ADGRL2: variants seen among roughly 807,000 people sequenced by gnomAD.
ADGRL2 encodes the protein calcium-independent alpha-latrotoxin receptor 2.
In ADGRL2, 44 loss-of-function variants were observed where a neutral mutation model predicts 157.4. The ratio of observed to expected loss-of-function variants is 0.28; its 90% confidence interval spans 0.22 to 0.36. The LOEUF (loss-of-function observed/expected upper bound fraction) is 0.36, where lower values mean the gene tolerates loss of function less well. Among genes scored for constraint, ADGRL2 ranks in the 10% least tolerant of loss-of-function variants. ADGRL2 has a pLI of 1.00. For synonymous variants in ADGRL2, 585 were observed against 624.7 expected, an observed-to-expected ratio of 0.94 and a Z score of 0.95; for missense variants, 1,510 against 1,768.9, an observed-to-expected ratio of 0.85 and a Z score of 2.63.
In ADGRL2 at chr1:81,943,246, A is replaced by G. The variant is rs748873382; in HGVS notation, c.687A>G (p.Arg229=). The part of the protein sequence containing the change: ...YDGAVFFNKE[R]TRNIVKFDLR... The stretch of plus-strand genomic sequence containing the variant: ...GTGCTGTCTTCTTTAACAAAGAAAG[A>G]ACGAGGAATATTGTGAAATTTGACT... Residue 229 remains arginine (R), a synonymous_variant, in exon 6 of 24, where the codon AGA becomes AGG. Transcript: ENST00000686636. The surrounding 1 kb of genome is among the most constrained non-coding windows in gnomAD (Gnocchi z 5.6). The G allele has an allele frequency of 1.2e-6, 2 of 1,613,662 alleles. No homozygotes were observed. The highest frequency in any genetic ancestry group is 1.1e-5 in the South Asian group (1 of 91,070).
intron 3 of ADGRL2, among the ~76,000 whole-genome samples, chr1:81,688,801 C>G (rs72716700): frequency 1.3e-5 from 2 of 152,084 alleles, no homozygotes; most frequent in Non-Finnish European, 1.5e-5. Context: ...TGGGGCGGCT[C>G]TATCAGAGGG....
At chr1:81,333,572 C>T (rs979189684) in intron 1 of ADGRL2, among the ~76,000 whole-genome samples, 10 of 151,904 alleles carry the variant, frequency 6.6e-5, no homozygotes, top group African/African-American at 2.4e-4. Context: ...CCTGCCACTG[C>T]GCCTGGATAA....
At position 81,985,349 on chromosome 1, in the gene ADGRL2, A is replaced by G; in HGVS notation, c.3502A>G (p.Asn1168Asp). ...SGDINSTSTL[N>D]QGMTGNYLLT... ...TGACATCAATAGCACTTCAACACTT[A>G]ATCAAGGTCAGTTATCAGGAAAATT... Residue 1168 changes from asparagine to aspartate, a missense_variant, in exon 21 of 24, where the codon AAT becomes GAT. Physicochemically the swap from Asn to Asp is conservative, Grantham distance 23. Transcript: ENST00000686636. 1 of 1,585,426 alleles carries G rather than the reference A, an allele frequency of 6.3e-7. No individual in the cohort carries two copies. The highest frequency in any genetic ancestry group is 2.3e-5 in the East Asian group (1 of 44,240).
rs1262624498 is a variant in ADGRL2, at chr1:81,624,337, T to C, written c.-143+43357T>C. Among the ~76,000 whole-genome samples the C allele has an allele frequency of 5.3e-5, 8 of 152,194 alleles. No homozygotes were observed. The South Asian group carries it at 1.0e-3, about 20-fold the overall frequency. ...GGCTCACGCCTGTAATCCCAGCACA[T>C]TGGGAGGCCGAGGCAGGCAGATCAC... is the stretch of plus-strand genomic sequence containing the variant. On this transcript the variant is annotated intron_variant, in intron 3 of 24. Transcript: ENST00000370721.
rs1344897848 is a variant in ADGRL2 at position 81,990,416 on chromosome 1, T to G, written c.3681T>G (p.Asp1227Glu). Residue 1227 changes from aspartate to glutamate, a missense_variant, in exon 24 of 24, where the codon GAT becomes GAG. Physicochemically the swap from Asp to Glu is conservative, Grantham distance 45. Transcript: ENST00000686636. The stretch of plus-strand genomic sequence containing the variant: ...GACATTCACTGAACAATGCCAGGGA[T>G]ACAAGTGCCATGGATACTCTACCGC... Reference protein sequence around the residue: ...ETRHSLNNARDTSAMDTLPLN... With the variant: ...ETRHSLNNARETSAMDTLPLN... The G allele has an allele frequency of 5.0e-6, 8 of 1,613,886 alleles. No individual in the cohort carries two copies. The highest frequency in any genetic ancestry group is 6.8e-6 in the Non-Finnish European group (8 of 1,179,846).
chr1:81,905,981 T>TGTGTGA (rs2094577607), intron 2 of ADGRL2, among the ~76,000 whole-genome samples: 1 of 151,326 alleles, frequency 6.6e-6, no homozygotes, highest in South Asian at 2.1e-4. Flanking sequence ...TGTGTGTGTG[T>TGTGTGA]GTGTGTACAT....
chr1:81,969,440 G>A (rs1381897076), intron 15 of ADGRL2, 53 bp downstream of exon 15: 4 of 1,230,384 alleles, frequency 3.3e-6, no homozygotes, highest in Admixed American at 1.7e-5. Flanking sequence ...TATTTTAGTA[G>A]GTGTGAGGTG....
chr1:81,611,501 A>C (rs2148670433), intron 3 of ADGRL2, among the ~76,000 whole-genome samples: 1 of 152,370 alleles, frequency 6.6e-6, no homozygotes, highest in East Asian at 1.9e-4. Flanking sequence ...AATGTAGTAA[A>C]TATGAAACCC....
chr1:81,881,207 GCT>G (rs1377641336), intron 2 of ADGRL2, among the ~76,000 whole-genome samples: 2 of 152,094 alleles, frequency 1.3e-5, no homozygotes, highest in African/African-American at 2.4e-5. Context: ...ACGGAGTCTT[GCT>G]CTGTCACCCA....
At chr1:81,311,770 C>T (rs776122938) in intron 1 of ADGRL2, among the ~76,000 whole-genome samples, 18 of 151,982 alleles carry the variant, frequency 1.2e-4, no homozygotes, top group Admixed American at 5.9e-4. Flanking sequence ...GAAATTATTC[C>T]AATGGATAAA....
rs994976432 is a variant in ADGRL2 at position 81,774,398 on chromosome 1, T to A, written c.-101+12546T>A. Among the ~76,000 whole-genome samples, 3 of 152,224 alleles carry A rather than the reference T, an allele frequency of 2.0e-5. No homozygotes were observed. In the East Asian group the frequency reaches 5.8e-4, roughly 29 times the overall value. ...GATTGTGAGGTTGCTGAGAGCAACA[T>A]GTGCTTTGCACTGTCTACTTAATCC... is the stretch of plus-strand genomic sequence containing the variant. On this transcript the variant is annotated intron_variant, in intron 2 of 20. Transcript: ENST00000359929.
At chr1:81,307,299 T>C (rs535100702) in intron 1 of ADGRL2, among the ~76,000 whole-genome samples, 4 of 152,310 alleles carry the variant, frequency 2.6e-5, no homozygotes, top group African/African-American at 7.2e-5. Flanking sequence ...GATTTGACAA[T>C]ACACATGGTG....
chr1:81,315,215 C>T (rs1048707483), intron 1 of ADGRL2, among the ~76,000 whole-genome samples: 4 of 151,732 alleles, frequency 2.6e-5, no homozygotes, highest in Admixed American at 6.6e-5. Flanking sequence ...GGTCACAATT[C>T]GATAAAAAAA....
At chr1:81,733,844 G>T (rs2084807475) in intron 1 of ADGRL2, among the ~76,000 whole-genome samples, 1 of 152,150 alleles carries the variant, frequency 6.6e-6, no homozygotes, top group Non-Finnish European at 1.5e-5. Context: ...AAGGTAGAGG[G>T]TGGGAGCAGG....
At chr1:81,683,608 G>A (rs2083164626) in intron 3 of ADGRL2, among the ~76,000 whole-genome samples, 2 of 152,188 alleles carry the variant, frequency 1.3e-5, no homozygotes, top group South Asian at 4.1e-4. Flanking sequence ...CCAGGTCACT[G>A]CAAATACTGT....
chr1:81,419,937 A>T (rs980784319), intron 1 of ADGRL2, among the ~76,000 whole-genome samples: 3 of 152,198 alleles, frequency 2.0e-5, no homozygotes, highest in Non-Finnish European at 4.4e-5. Flanking sequence ...GCCTACTGTA[A>T]TTAGTCAAAG....
At chr1:81,652,247 C>T in intron 3 of ADGRL2, among the ~76,000 whole-genome samples, 1 of 152,142 alleles carries the variant, frequency 6.6e-6, no homozygotes, top group Non-Finnish European at 1.5e-5. Context: ...TGTGGTTTCC[C>T]AGCTGAAAAT....
At chr1:81,524,021 C>T (rs899256490) in intron 2 of ADGRL2, among the ~76,000 whole-genome samples, 31 of 150,134 alleles carry the variant, frequency 2.1e-4, no homozygotes, top group Admixed American at 1.4e-3. Context: ...GCCAAGATTG[C>T]GATATTGCAC....
chr1:81,379,160 T>C (rs1216628980), intron 1 of ADGRL2, among the ~76,000 whole-genome samples: 1 of 152,076 alleles, frequency 6.6e-6, no homozygotes, highest in Non-Finnish European at 1.5e-5. Context: ...ACAGCAGCTG[T>C]ATATTGAAAT....
Sources: gnomAD v4.1 joint callset for allele counts (sites outside exome capture counted in the v4.1 genomes callset) on GRCh38, gnomAD v4.1.1 for gene constraint, Gnocchi (gnomAD v3.1) non-coding constraint, MANE v1.5 for transcripts, NCBI Gene and HGNC (gene_info 2026-07-23, HGNC 2026-07-21) for gene names.